The following AK5 variants were observed in gnomAD, a reference collection of about 807,000 sequenced individuals.
AK5 encodes the protein adenylate kinase isoenzyme 5.
In AK5, 27 loss-of-function variants were observed where a neutral mutation model predicts 69.5. The ratio of observed to expected loss-of-function variants is 0.39; its 90% CI spans 0.29 to 0.54. The LOEUF is 0.54. AK5 is among the 20% of genes least tolerant of loss of function. The pLI is 0.71. For missense variants in AK5, 531 were observed against 700.4 expected (o/e 0.76, Z 2.73); for synonymous variants, 260 against 244.4 (o/e 1.06, Z -0.60).
chr1:77,345,037 C>G (rs772123170), intron 6 of AK5, among the ~76,000 whole-genome samples: 37 of 148,354 alleles, frequency 2.5e-4, no homozygotes, highest in Non-Finnish European at 4.9e-4. Context: ...GTTATTTTTT[C>G]CAGAATGCAT....
At chr1:77,398,413 T>C (rs10735749) in intron 6 of AK5, among the ~76,000 whole-genome samples, 149,401 of 152,260 alleles carry the variant, frequency 0.98, 73,361 homozygotes, top group East Asian at 1. Flanking sequence ...TTCTGAGGCT[T>C]TAACGAATTT....
chr1:77,461,510 G>A (rs1168413551), intron 8 of AK5, among the ~76,000 whole-genome samples: 6 of 150,680 alleles, frequency 4.0e-5, no homozygotes, highest in African/African-American at 1.5e-4. Flanking sequence ...GGTGGCTTAC[G>A]CCTGTAATCC....
chr1:77,422,587 G>T (rs570144740), intron 8 of AK5, among the ~76,000 whole-genome samples: 37 of 151,954 alleles, frequency 2.4e-4, no homozygotes, highest in Non-Finnish European at 4.0e-4. Context: ...TATTGCTTCT[G>T]TCCCGTGTGA....
At position 77,368,235 on chromosome 1, in the gene AK5, ATATATATATAT is replaced by A. The variant is rs1229847576; in HGVS notation, c.891+27668_891+27678del. On this transcript the variant is annotated intron_variant, in intron 6 of 13. Transcript: ENST00000354567. Reference sequence around the variant, plus strand: ...AGATACTATATATATATATATATATATATATATATATATATATAATATATATGTTATATATA... The same window carrying A: ...AGATACTATATATATATATATATATAATATATAATATATATGTTATATATA... 7.8e-5 allele frequency among the ~76,000 whole-genome samples: 3 copies of A among 38,510 alleles called. No individual in the cohort carries two copies. In the East Asian group the frequency reaches 0.052, roughly 664 times the overall value. The allele number at this position is 38,510 out of a possible 152,430, so 25.3% of individuals were successfully genotyped here. A position where few individuals can be genotyped will look rare whatever the true frequency, so the allele number is the denominator to read the frequency against.
At chr1:77,356,460 A>T (rs1374029800) in intron 6 of AK5, among the ~76,000 whole-genome samples, 1 of 152,216 alleles carries the variant, frequency 6.6e-6, no homozygotes, top group Admixed American at 6.5e-5. Flanking sequence ...AGGGCTGGTG[A>T]TTAAAAACTC....
At chr1:77,297,372 A>G (rs371527509) in intron 3 of AK5, among the ~76,000 whole-genome samples, 187 bp from the exon 4 acceptor site, 2 of 152,112 alleles carry the variant, frequency 1.3e-5, no homozygotes, top group East Asian at 1.9e-4. Flanking sequence ...GGTCAAGACA[A>G]TTCTTTCCTT....
At chr1:77,297,450 A>T in intron 3 of AK5, 109 bp from the exon 4 acceptor site, 1 of 1,013,330 alleles carries the variant, frequency 9.9e-7, no homozygotes, top group Non-Finnish European at 1.4e-6. Context: ...ACTGTTAACC[A>T]CCCTGTCTTG....
At chr1:77,506,986 G>T (rs1349587659) in intron 10 of AK5, among the ~76,000 whole-genome samples, 1 of 151,766 alleles carries the variant, frequency 6.6e-6, no homozygotes, top group African/African-American at 2.4e-5. Context: ...GTAAGAGGTT[G>T]AGACTCAGTC....
intron 5 of AK5, among the ~76,000 whole-genome samples, chr1:77,333,575 ATGTGACAACTTTTTT>A (rs1557504025): frequency 7.3e-6 from 1 of 137,524 alleles, no homozygotes; most frequent in African/African-American, 2.8e-5. Context: ...ATTGTATCTT[ATGTGACAACTTTTTT>A]TGTGATTATT....
At chr1:77,526,465 CTTTTTTT>C (rs917395853) in intron 12 of AK5, among the ~76,000 whole-genome samples, 22 of 84,654 alleles carry the variant, frequency 2.6e-4, no homozygotes, top group African/African-American at 9.4e-4. Flanking sequence ...GAATAAAAGT[CTTTTTTT>C]TTTTTTTTTT....
intron 5 of AK5, among the ~76,000 whole-genome samples, chr1:77,339,879 C>A (rs1416782134): frequency 4.6e-5 from 7 of 152,042 alleles, no homozygotes; most frequent in African/African-American, 7.2e-5. Context: ...CTCAGCCTCC[C>A]AAAGTGCTGA....
intron 10 of AK5, among the ~76,000 whole-genome samples, chr1:77,497,127 C>T (rs1023023041): frequency 2.0e-5 from 3 of 152,216 alleles, no homozygotes; most frequent in African/African-American, 7.2e-5. Flanking sequence ...TCACTGGTGG[C>T]TTCACTCCTG....
intron 13 of AK5, among the ~76,000 whole-genome samples, chr1:77,557,581 A>G (rs917680256): frequency 2.8e-4 from 42 of 152,200 alleles, no homozygotes; most frequent in Non-Finnish European, 4.3e-4. Context: ...GCATGCCAAC[A>G]GTCTCCAAGC....
At position 77,475,420 on chromosome 1, in the gene AK5, ATATATTATATATATGT is replaced by A. The variant is rs1557620033; in HGVS notation, c.1060-7896_1060-7881del. ...TATAATATATATGTATATATATACTATATATTATATATATGTATATATATTATATATATACAAATAT... is the reference window on the plus strand; with the variant it reads ...TATAATATATATGTATATATATACTAATATATATTATATATATACAAATAT... On this transcript the variant is annotated intron_variant, in intron 8 of 13. Coordinates refer to ENST00000354567, the MANE Select transcript of AK5 (RefSeq NM_174858.3). Among the ~76,000 whole-genome samples the A allele has an allele frequency of 5.6e-3, 85 of 15,212 alleles. 8 individuals carry two copies. In the South Asian group the frequency reaches 0.067, roughly 12 times the overall value. The allele number at this position is 15,212 out of a possible 152,430, so 10.0% of individuals were successfully genotyped here. A position where few individuals can be genotyped will look rare whatever the true frequency, so the allele number is the denominator to read the frequency against.
At chr1:77,394,377 G>A (rs1333476491) in intron 6 of AK5, among the ~76,000 whole-genome samples, 1 of 152,060 alleles carries the variant, frequency 6.6e-6, no homozygotes, top group Non-Finnish European at 1.5e-5. Flanking sequence ...TCTCTCCTAT[G>A]ACACTTTCTT....
At chr1:77,380,775 G>A (rs1647574840) in intron 6 of AK5, among the ~76,000 whole-genome samples, 1 of 152,190 alleles carries the variant, frequency 6.6e-6, no homozygotes, top group African/African-American at 2.4e-5. Flanking sequence ...GAAGGTCAGA[G>A]AAAGTCTCCA....
At chr1:77,297,489 G>C in intron 3 of AK5, 70 bp from the exon 4 acceptor site, 1 of 1,399,614 alleles carries the variant, frequency 7.1e-7, no homozygotes, top group Non-Finnish European at 9.7e-7. Flanking sequence ...CCCAGATGAA[G>C]TAGTAGTTGT....
chr1:77,336,533 G>A (rs952673252), intron 5 of AK5, among the ~76,000 whole-genome samples: 6 of 151,876 alleles, frequency 4.0e-5, no homozygotes, highest in Admixed American at 1.3e-4. Flanking sequence ...AGTTATCATC[G>A]TTATTATTTT....
At chr1:77,512,813 A>G (rs1432267979) in intron 10 of AK5, among the ~76,000 whole-genome samples, 1 of 152,174 alleles carries the variant, frequency 6.6e-6, no homozygotes, top group Non-Finnish European at 1.5e-5. Context: ...GCACATATAC[A>G]CCATGGAATA....
Sources: allele counts gnomAD v4.1 joint callset (sites outside exome capture counted in the v4.1 genomes callset), GRCh38; gene constraint gnomAD v4.1.1; transcripts MANE v1.5; gene names NCBI Gene and HGNC (gene_info 2026-07-23, HGNC 2026-07-21).